HDAC7: variants seen among roughly 807,000 people sequenced by gnomAD.
HDAC7 encodes the protein histone deacetylase 7, also known as histone deacetylase 7A.
Under a neutral mutation model 115.5 loss-of-function variants are expected in HDAC7, and 26 were observed. The observed-to-expected ratio is 0.23, with a 90% CI of 0.16 to 0.31. HDAC7 has a LOEUF of 0.31. HDAC7 is among the 10% of genes least tolerant of loss of function. The pLI, the probability that HDAC7 is intolerant of heterozygous loss-of-function variation, is 1.00. For missense variants in HDAC7, 1,068 were observed against 1,329.0 expected (o/e 0.80, Z 3.05); for synonymous variants, 564 against 550.9 (o/e 1.02, Z -0.33).
In HDAC7 at chr12:47,795,162, T is replaced by C; in HGVS notation, c.1284+22A>G. On this transcript the variant is annotated intron_variant, in intron 11 of 25. Transcript: ENST00000080059. The surrounding 1 kb of genome is among the most constrained non-coding windows in gnomAD (Gnocchi z 4.3). Reference sequence around the variant, plus strand: ...CCCAGTTAAACACTCCCTCAATACCTCCACTGCCCAATTCCTCTCACCTTG... The same window carrying C: ...CCCAGTTAAACACTCCCTCAATACCCCCACTGCCCAATTCCTCTCACCTTG... 1 of 1,592,644 alleles carries C rather than the reference T, an allele frequency of 6.3e-7. No individual in the cohort carries two copies. Among genetic ancestry groups the C allele is most frequent in the South Asian group, 1.1e-5 (1 of 89,600 alleles).
chr12:47,805,494 C>T (rs543445109), intron 1 of HDAC7, among the ~76,000 whole-genome samples: 9 of 152,296 alleles, frequency 5.9e-5, no homozygotes, highest in East Asian at 3.9e-4. Context: ...CCTTCACACC[C>T]GAGGTTGCTG....
chr12:47,795,109 GT>G lies in HDAC7; in HGVS notation c.1284+74del, dbSNP rs1943738242. The G allele has an allele frequency of 7.3e-7, 1 of 1,376,278 alleles. No individual in the cohort carries two copies. The highest frequency in any genetic ancestry group is 1.9e-5 in the Admixed American group (1 of 52,290). The allele number at this position is 1,376,278 out of a possible 1,614,324, so 85.3% of individuals were successfully genotyped here. A position where few individuals can be genotyped will look rare whatever the true frequency, so the allele number is the denominator to read the frequency against. On this transcript the variant is annotated intron_variant, in intron 11 of 25. Transcript: ENST00000080059. The surrounding 1 kb of genome is among the most constrained non-coding windows in gnomAD (Gnocchi z 4.3). ...CCCTCCAGTTCCCTGCCCTTTCTAAGTACCCCTCTTCTTTTGGCCCCTAAGT... is the reference window on the plus strand; with the variant it reads ...CCCTCCAGTTCCCTGCCCTTTCTAAGACCCCTCTTCTTTTGGCCCCTAAGT...
chr12:47,785,192 G>A (rs776487585), intron 24 of HDAC7, 195 bp downstream of exon 24: 8 of 577,518 alleles, frequency 1.4e-5, no homozygotes, highest in African/African-American at 1.1e-4. Context: ...TGGCTCCATC[G>A]GGGGGGCTCA....
rs766240400 is a variant in HDAC7 at position 47,798,794 on chromosome 12, C to T, written c.249G>A (p.Glu83=). The T allele has an allele frequency of 2.6e-5, 41 of 1,556,286 alleles. No homozygotes were observed. The Admixed American group carries it at 5.6e-4, about 21-fold the overall frequency. Reference sequence around the variant, plus strand: ...GGAGCTCCATCTTTACCCTCATGGGCTCCACCGAGCGCTGCTGCTGCAGGC... The same window carrying T: ...GGAGCTCCATCTTTACCCTCATGGGTTCCACCGAGCGCTGCTGCTGCAGGC... The part of the protein sequence containing the change: ...LAGLQQQRSV[E]PMRLSMDTPM... The change falls in exon 3 of 26, where the codon GAG becomes GAA. Residue 83 remains glutamate (E), a synonymous_variant. Coordinates refer to ENST00000080059, the MANE Select transcript of HDAC7 (RefSeq NM_015401.5). This position sits in a 1 kb window ranked among gnomAD's most constrained non-coding sequence, Gnocchi z 4.3.
intron 1 of HDAC7, among the ~76,000 whole-genome samples, chr12:47,802,887 A>G (rs1056979105): frequency 2.6e-5 from 4 of 152,176 alleles, no homozygotes; most frequent in Admixed American, 2.0e-4. Flanking sequence ...TGATAAGGTC[A>G]GGAGTGCACA....
At position 47,795,910 on chromosome 12, in the gene HDAC7, G is replaced by A; in HGVS notation, c.902C>T (p.Ala301Val). 1.3e-6 allele frequency: 2 copies of A among 1,548,956 alleles called. No homozygotes were observed. The highest frequency in any genetic ancestry group is 2.4e-5 in the South Asian group (2 of 84,136). The change falls in exon 9 of 26, where the codon GCC (alanine) becomes GTC (valine). Residue 301 changes from alanine to valine, a missense_variant. Physicochemically the swap from Ala to Val is moderately conservative, Grantham distance 64. This residue lies in a region of HDAC7 where 618 missense variants were observed against 701.5 expected (regional missense o/e 0.88). Coordinates refer to ENST00000080059, the MANE Select transcript of HDAC7 (RefSeq NM_015401.5). This position sits in a 1 kb window ranked among gnomAD's most constrained non-coding sequence, Gnocchi z 4.3. The stretch of plus-strand genomic sequence containing the variant: ...GTGGGCACCCCAGCCACTCACCCTG[G>A]CAGGGGCGGGCAGCCCCAGAGTGAT... ...PAITLGLPAP[A>V]RADSDRRTHP...
At chr12:47,787,241 C>A (rs1403336317) in intron 21 of HDAC7, among the ~76,000 whole-genome samples, 3 of 53,648 alleles carry the variant, frequency 5.6e-5, no homozygotes, top group Admixed American at 1.7e-4. Flanking sequence ...TCTTCCAGGC[C>A]CCCCCCCAGC....
At chr12:47,788,899 G>C (rs1943319302) in intron 19 of HDAC7, 2 of 206,980 alleles carry the variant, frequency 9.7e-6, no homozygotes, top group South Asian at 1.2e-4. Context: ...TCAGTGTCTG[G>C]ATGTGATTAG....
chr12:47,804,357 C>T (rs905931411), intron 1 of HDAC7, among the ~76,000 whole-genome samples: 2 of 152,128 alleles, frequency 1.3e-5, no homozygotes, highest in African/African-American at 4.8e-5. Context: ...AGGAACAGCT[C>T]TCTTTGTGTC....
intron 21 of HDAC7, among the ~76,000 whole-genome samples, chr12:47,787,147 T>C (rs1943214279): frequency 1.3e-5 from 2 of 152,156 alleles, no homozygotes; most frequent in Admixed American, 1.3e-4. Context: ...CACACCCAGC[T>C]ACTCACTACT....
intron 1 of HDAC7, among the ~76,000 whole-genome samples, chr12:47,812,017 G>C (rs1944689519): frequency 1.3e-5 from 2 of 152,204 alleles, no homozygotes; most frequent in Admixed American, 1.3e-4. Context: ...TTCTTCATAA[G>C]AGCAACAAGG....
At chr12:47,806,071 G>C (rs986535645) in intron 1 of HDAC7, among the ~76,000 whole-genome samples, 1 of 152,246 alleles carries the variant, frequency 6.6e-6, no homozygotes, top group African/African-American at 2.4e-5. Context: ...CCTGGAAGCC[G>C]CCCTTTCTAA....
chr12:47,804,571 T>A (rs1316953969), intron 1 of HDAC7, among the ~76,000 whole-genome samples: 1 of 151,188 alleles, frequency 6.6e-6, no homozygotes, highest in African/African-American at 2.4e-5. Context: ...GTACCAGGAA[T>A]ACTGTCTAGC....
At chr12:47,792,872 G>A (rs760107772) in intron 13 of HDAC7, 9 of 361,672 alleles carry the variant, frequency 2.5e-5, no homozygotes, top group East Asian at 7.3e-5. Context: ...GATACAAAAC[G>A]TAGTTCATGT....
In HDAC7 at chr12:47,787,698, C is replaced by T. The variant is rs1478343455; in HGVS notation, c.2453+14G>A. On this transcript the variant is annotated intron_variant, in intron 21 of 25. Transcript: ENST00000080059. The stretch of plus-strand genomic sequence containing the variant: ...GAGGGTGGACTTGCCCCTCTGGGCC[C>T]CCAGAGCACGTACCTGAAAGCAGCC... 6.3e-7 allele frequency: 1 copy of T among 1,591,080 alleles called. No homozygotes were observed. Among genetic ancestry groups the T allele is most frequent in the Admixed American group, 1.7e-5 (1 of 58,170 alleles).
At chr12:47,817,893 T>G (rs1404473245) in intron 1 of HDAC7, 1 of 152,196 alleles carries the variant, frequency 6.6e-6, no homozygotes, top group Non-Finnish European at 1.5e-5. Flanking sequence ...CTCAAGGGTT[T>G]TATATCAGAA....
rs151335595 is a variant in HDAC7 at position 47,805,256 on chromosome 12, G to GT, written c.20-2983dup. 8.2e-3 allele frequency among the ~76,000 whole-genome samples: 1,223 copies of GT among 148,638 alleles called. 13 individuals carry two copies. The highest frequency in any genetic ancestry group is 0.012 in the Non-Finnish European group (805 of 66,520). On this transcript the variant is annotated intron_variant, in intron 1 of 25. Transcript: ENST00000080059. The stretch of plus-strand genomic sequence containing the variant: ...GGCTAAATTTTTTTTGTTTTGTTTT[G>GT]TTGTTTTTTTTTTTGTAGAGACGAA...
rs1944205949 is a variant in HDAC7 at position 47,802,292 on chromosome 12, G to C, written c.20-18C>G. The C allele has an allele frequency of 1.2e-6, 2 of 1,612,926 alleles. No homozygotes were observed. Among genetic ancestry groups the C allele is most frequent in the South Asian group, 2.2e-5 (2 of 90,986 alleles). On this transcript the variant is annotated intron_variant, in intron 1 of 25. Transcript: ENST00000080059. The stretch of plus-strand genomic sequence containing the variant: ...GGTCCCATCTGTAGAGAGAGAGACG[G>C]AGTGAAAGAGCTGCAGGGAGGGGTG...
At chr12:47,806,833 A>G (rs1944427400) in intron 1 of HDAC7, among the ~76,000 whole-genome samples, 1 of 152,128 alleles carries the variant, frequency 6.6e-6, no homozygotes, top group African/African-American at 2.4e-5. Context: ...ACTTGTCTGC[A>G]GCCTCCTTCC....
Sources: gnomAD v4.1 joint callset for allele counts (sites outside exome capture counted in the v4.1 genomes callset) on GRCh38, gnomAD v4.1.1 for gene constraint, gnomAD v4.1.1 regional missense constraint, Gnocchi (gnomAD v3.1) non-coding constraint, MANE v1.5 for transcripts, NCBI Gene and HGNC (gene_info 2026-07-23, HGNC 2026-07-21) for gene names.